LAMA1: variants seen among roughly 807,000 people sequenced by gnomAD.
LAMA1 encodes the protein laminin subunit alpha-1.
LAMA1 carries 219 observed loss-of-function variants against 348.7 expected under a neutral mutation model. That is an observed-to-expected ratio of 0.63 (90% CI 0.56 to 0.70). The LOEUF (loss-of-function observed/expected upper bound fraction) is 0.70, where lower values mean the gene tolerates loss of function less well. Among genes scored for constraint, LAMA1 ranks in the 30% least tolerant of loss-of-function variants. LAMA1 has a pLI of 0.00. For missense variants in LAMA1, 3,744 were observed against 3,888.0 expected (o/e 0.96, Z 0.99); for synonymous variants, 1,487 against 1,491.0 (o/e 1.00, Z 0.06).
chr18:7,008,740 T>C (rs1316412994), intron 27 of LAMA1, 132 bp from the exon 28 acceptor site: 1 of 1,001,876 alleles, frequency 1.0e-6, no homozygotes, highest in South Asian at 1.3e-5. Flanking sequence ...TTCCTGCTTG[T>C]GATTGTAAGT....
chr18:6,942,638 T>A lies in LAMA1; in HGVS notation c.9068-399A>T, dbSNP rs148367363. ...CATGTTGGCCAGGCTGGTCTCAAAC[T>A]CCTGACCTCAAGTGATCCACCCACC... On this transcript the variant is annotated intron_variant, in intron 62 of 62. Transcript: ENST00000389658. Among the ~76,000 whole-genome samples the A allele has an allele frequency of 1.2e-4, 18 of 152,160 alleles. No homozygotes were observed. The East Asian group carries it at 3.5e-3, about 29-fold the overall frequency.
chr18:6,976,154 C>A (rs1717984443), intron 44 of LAMA1, 74 bp from the exon 45 acceptor site: 6 of 1,464,034 alleles, frequency 4.1e-6, no homozygotes, highest in Middle Eastern at 1.8e-4. Context: ...CTCAACAATG[C>A]TATTCTGTAA....
chr18:6,998,051 T>C (rs1210519093), intron 32 of LAMA1, among the ~76,000 whole-genome samples, 167 bp from the exon 33 acceptor site: 2 of 152,186 alleles, frequency 1.3e-5, no homozygotes, highest in Admixed American at 1.3e-4. Context: ...AACTGTGCCA[T>C]GGGTGGCACG....
At chr18:6,975,888 AG>A in intron 45 of LAMA1, 48 bp downstream of exon 45, 1 of 1,611,912 alleles carries the variant, frequency 6.2e-7, no homozygotes, top group Non-Finnish European at 8.5e-7. Context: ...AGAAAAATCT[AG>A]AAGTGCATAA....
chr18:7,013,542 G>A (rs182664271), intron 23 of LAMA1, among the ~76,000 whole-genome samples: 6 of 152,200 alleles, frequency 3.9e-5, no homozygotes, highest in African/African-American at 9.6e-5. Context: ...CTCAAGATAC[G>A]CAGCCACTCA....
intron 1 of LAMA1, among the ~76,000 whole-genome samples, chr18:7,082,425 T>C (rs1174211985): frequency 6.6e-6 from 1 of 152,192 alleles, no homozygotes; most frequent in Non-Finnish European, 1.5e-5. Flanking sequence ...GTCATTGTGT[T>C]TAATCATGCA....
Position 6,956,751 on chromosome 18 carries a change from T to G in LAMA1, c.7979A>C (p.Asn2660Thr). 6.2e-7 allele frequency: 1 copy of G among 1,614,198 alleles called. No individual in the cohort carries two copies. Among genetic ancestry groups the G allele is most frequent in the Non-Finnish European group, 8.5e-7 (1 of 1,180,040 alleles). ...GACTTGCTCATGGCCAACTGCACTG[T>G]TGAAATCCAAAAGTCTAGGTAGAAA... is the stretch of plus-strand genomic sequence containing the variant. Reference protein sequence around the residue: ...LIFNLELLDFNSAVGHEQVDL... With the variant: ...LIFNLELLDFTSAVGHEQVDL... The change falls in exon 56 of 63, where the codon AAC (asparagine) becomes ACC (threonine). Residue 2660 changes from asparagine to threonine, a missense_variant. Coordinates refer to ENST00000389658, the MANE Select transcript of LAMA1 (RefSeq NM_005559.4).
At position 6,980,543 on chromosome 18, in the gene LAMA1, C is replaced by G; in HGVS notation, c.5985G>C (p.Leu1995Phe). ...TACCTTTAGGAATTGCTCTAAGTAT[C>G]AAGAGTGATTCATTGGTTTGCCTGG... ...EITRQTNESL[L>F]ILRAIPKGIR... The change falls in exon 42 of 63, where the codon TTG becomes TTC. Residue 1995 changes from leucine to phenylalanine, a missense_variant. Around this residue, in one of 3 missense-constraint regions of LAMA1, gnomAD observed 1,983 missense variants for 1,934.3 expected, o/e 1.03. Transcript: ENST00000389658. 6.2e-7 allele frequency: 1 copy of G among 1,608,342 alleles called. No individual in the cohort carries two copies. Among genetic ancestry groups the G allele is most frequent in the Non-Finnish European group, 8.5e-7 (1 of 1,174,866 alleles).
chr18:7,038,151 C>T (rs184295643), intron 11 of LAMA1, among the ~76,000 whole-genome samples: 31 of 152,296 alleles, frequency 2.0e-4, no homozygotes, highest in Non-Finnish European at 4.0e-4. Flanking sequence ...CAAAGATAAC[C>T]TCTAGATCTT....
chr18:6,977,630 G>A, intron 44 of LAMA1, 97 bp downstream of exon 44: 1 of 1,431,888 alleles, frequency 7.0e-7, no homozygotes. Flanking sequence ...GAAGCCCTAA[G>A]GGGCGCAGTG....
intron 3 of LAMA1, among the ~76,000 whole-genome samples, chr18:7,060,968 C>A (rs2058099930): frequency 1.3e-5 from 2 of 152,064 alleles, no homozygotes; most frequent in African/African-American, 2.4e-5. Flanking sequence ...CCAGCCTGGG[C>A]AACACGGCAA....
chr18:7,060,981 C>A (rs191462589), intron 3 of LAMA1, among the ~76,000 whole-genome samples: 28 of 152,186 alleles, frequency 1.8e-4, no homozygotes. Context: ...CACGGCAAAA[C>A]CTCATCTCTG....
At chr18:7,092,591 C>T (rs1054036329) in intron 1 of LAMA1, among the ~76,000 whole-genome samples, 4 of 146,006 alleles carry the variant, frequency 2.7e-5, no homozygotes, top group African/African-American at 7.7e-5. Flanking sequence ...GGCCACTGCA[C>T]TCCAGCCTGG....
chr18:6,973,047 G>C lies in LAMA1; in HGVS notation c.6774+10C>G, dbSNP rs780381451. Reference sequence around the variant, plus strand: ...ATCAGTCCTGTTCAGAAGAACTTTCGTAATGTTACCTTGATTTGTCCTCCA... The same window carrying C: ...ATCAGTCCTGTTCAGAAGAACTTTCCTAATGTTACCTTGATTTGTCCTCCA... On this transcript the variant is annotated intron_variant, in intron 47 of 62. Coordinates refer to ENST00000389658, the MANE Select transcript of LAMA1 (RefSeq NM_005559.4). 1 of 1,613,924 alleles carries C rather than the reference G, an allele frequency of 6.2e-7. No homozygotes were observed.
chr18:6,942,851 G>A (rs2057505434), intron 62 of LAMA1, among the ~76,000 whole-genome samples: 1 of 152,166 alleles, frequency 6.6e-6, no homozygotes, highest in Non-Finnish European at 1.5e-5. Context: ...AGAGAGATGA[G>A]TCACAAGTTT....
At chr18:7,034,750 T>C (rs924261151) in intron 13 of LAMA1, 60 bp from the exon 14 acceptor site, 1 of 1,513,788 alleles carries the variant, frequency 6.6e-7, no homozygotes, top group Non-Finnish European at 9.1e-7. Context: ...AAAATAAAAA[T>C]AAAATCAAAT....
At chr18:6,983,934 C>T (rs1285161737) in intron 39 of LAMA1, among the ~76,000 whole-genome samples, 1 of 152,118 alleles carries the variant, frequency 6.6e-6, no homozygotes, top group Non-Finnish European at 1.5e-5. Flanking sequence ...CGAATATTAG[C>T]AGCTATTGTT....
At chr18:7,035,275 G>T (rs1186442057) in intron 13 of LAMA1, among the ~76,000 whole-genome samples, 1 of 152,112 alleles carries the variant, frequency 6.6e-6, no homozygotes, top group African/African-American at 2.4e-5. Flanking sequence ...AGGGACAGAG[G>T]CTGAGGACAA....
At chr18:7,093,903 G>A (rs1028688735) in intron 1 of LAMA1, among the ~76,000 whole-genome samples, 2 of 151,506 alleles carry the variant, frequency 1.3e-5, no homozygotes, top group Non-Finnish European at 2.9e-5. Flanking sequence ...GCCTCCGGGA[G>A]TAGCTGGGAC....
Sources: allele counts gnomAD v4.1 joint callset (sites outside exome capture counted in the v4.1 genomes callset), GRCh38; gene constraint gnomAD v4.1.1; regional missense constraint gnomAD v4.1.1; transcripts MANE v1.5; gene names NCBI Gene and HGNC (gene_info 2026-07-23, HGNC 2026-07-21).